CDH18: variants seen among roughly 807,000 people sequenced by gnomAD.
CDH18 encodes the protein cadherin 18.
CDH18 carries 31 observed loss-of-function variants against 67.9 expected under a neutral mutation model. The observed-to-expected ratio is 0.46, with a 90% CI of 0.34 to 0.62. The LOEUF is 0.62. Ranked by LOEUF, CDH18 falls within the 20% of genes least tolerant of loss-of-function variation. CDH18 has a pLI of 0.01. For missense variants in CDH18, 890 were observed against 975.5 expected, an observed-to-expected ratio of 0.91 and a Z score of 1.17; for synonymous variants, 362 against 347.2, an observed-to-expected ratio of 1.04 and a Z score of -0.48.
At chr5:19,903,793 T>G (rs1790225815) in intron 2 of CDH18, among the ~76,000 whole-genome samples, 1 of 151,944 alleles carries the variant, frequency 6.6e-6, no homozygotes, top group African/African-American at 2.4e-5. Flanking sequence ...CCTTCCAAAT[T>G]GCATGCTGAC....
At chr5:19,647,913 T>A (rs1755016727) in intron 5 of CDH18, among the ~76,000 whole-genome samples, 1 of 152,134 alleles carries the variant, frequency 6.6e-6, no homozygotes, top group South Asian at 2.1e-4. Context: ...TATTAGATAG[T>A]TTAGGTCTGT....
intron 4 of CDH18, among the ~76,000 whole-genome samples, chr5:19,729,401 G>A (rs1048689219): frequency 6.6e-6 from 1 of 152,160 alleles, no homozygotes; most frequent in African/African-American, 2.4e-5. Context: ...CAGAATTCAA[G>A]TCCAGCCCTA....
intron 1 of CDH18, chr5:20,304,581 CA>C (rs201197355): frequency 0.047 from 76,365 of 1,610,724 alleles, 2,768 homozygotes; most frequent in East Asian, 0.14. Flanking sequence ...AAAATCCAGT[CA>C]GGGGGACAGA....
intron 2 of CDH18, among the ~76,000 whole-genome samples, chr5:20,130,854 T>C (rs1749210846): frequency 6.6e-6 from 1 of 152,052 alleles, no homozygotes; most frequent in Non-Finnish European, 1.5e-5. Flanking sequence ...GCCTTCTCTA[T>C]ATCATTTTCT....
intron 1 of CDH18, among the ~76,000 whole-genome samples, chr5:20,423,883 CTTGCAGT>C (rs1748058066): frequency 7.6e-6 from 1 of 131,614 alleles, no homozygotes; most frequent in South Asian, 2.4e-4. Flanking sequence ...GGAGGTGGAG[CTTGCAGT>C]GAGCCGAGAT....
intron 2 of CDH18, among the ~76,000 whole-genome samples, chr5:20,199,833 G>A (rs893621537): frequency 6.6e-6 from 1 of 152,106 alleles, no homozygotes; most frequent in African/African-American, 2.4e-5. Flanking sequence ...GAATTTTCAC[G>A]AGATCTGACG....
intron 2 of CDH18, among the ~76,000 whole-genome samples, chr5:20,198,060 G>T (rs1739129793): frequency 6.6e-6 from 1 of 152,096 alleles, no homozygotes; most frequent in South Asian, 2.1e-4. Context: ...CACCCTGATT[G>T]TAAGTTTCCT....
intron 3 of CDH18, among the ~76,000 whole-genome samples, chr5:19,752,848 T>A (rs942745600): frequency 6.6e-6 from 1 of 152,122 alleles, no homozygotes; most frequent in East Asian, 1.9e-4. Context: ...ACGGTTCACA[T>A]CACAGGACTT....
intron 1 of CDH18, among the ~76,000 whole-genome samples, chr5:20,359,552 C>T (rs914866093): frequency 3.9e-5 from 6 of 152,064 alleles, no homozygotes; most frequent in South Asian, 2.1e-4. Flanking sequence ...CTTTAAACTT[C>T]GGTGCCCCTG....
chr5:20,214,951 G>C (rs1176813752), intron 2 of CDH18, among the ~76,000 whole-genome samples: 1 of 151,798 alleles, frequency 6.6e-6, no homozygotes, highest in African/African-American at 2.4e-5. Flanking sequence ...CATCTGATAA[G>C]GGTCTAATAT....
chr5:20,301,522 G>T (rs1461794601), intron 1 of CDH18, among the ~76,000 whole-genome samples: 2 of 151,956 alleles, frequency 1.3e-5, no homozygotes, highest in Non-Finnish European at 2.9e-5. Flanking sequence ...CCATACTACG[G>T]GACAAATCAG....
chr5:19,895,209 G>A (rs1030098954), intron 2 of CDH18, among the ~76,000 whole-genome samples: 2 of 152,102 alleles, frequency 1.3e-5, no homozygotes, highest in Admixed American at 6.6e-5. Context: ...TTCTCCCTGA[G>A]AAGAAACTTG....
chr5:20,230,163 T>C (rs913908553), intron 2 of CDH18, among the ~76,000 whole-genome samples: 6 of 152,184 alleles, frequency 3.9e-5, no homozygotes, highest in Non-Finnish European at 2.9e-5. Context: ...ATTGCATTGA[T>C]GTCTCTGCTA....
rs1321868616 is a variant in CDH18 at position 20,154,398 on chromosome 5, G to C, written c.-518+101046C>G. On this transcript the variant is annotated intron_variant, in intron 2 of 14. Coordinates refer to the CDH18 transcript ENST00000507958. ...ACTTTTATTAGTCACCTGTGGGATG[G>C]ATGTGAAAATTTATTCTCTTTTTCT... Among the ~76,000 whole-genome samples, 4 of 152,240 alleles carry C rather than the reference G, an allele frequency of 2.6e-5. No homozygotes were observed. The South Asian group carries it at 6.2e-4, about 24-fold the overall frequency.
chr5:20,344,415 G>A (rs1740536395), intron 1 of CDH18, among the ~76,000 whole-genome samples: 1 of 152,030 alleles, frequency 6.6e-6, no homozygotes, highest in Non-Finnish European at 1.5e-5. Context: ...CTTGGTATGG[G>A]TAGATACCTT....
At chr5:20,362,712 T>C (rs1045592032) in intron 1 of CDH18, among the ~76,000 whole-genome samples, 30 of 152,160 alleles carry the variant, frequency 2.0e-4, no homozygotes, top group African/African-American at 7.2e-4. Context: ...AAAACAGATC[T>C]AAAGAATGTT....
At chr5:19,633,851 C>T (rs187650191) in intron 5 of CDH18, among the ~76,000 whole-genome samples, 107 of 152,184 alleles carry the variant, frequency 7.0e-4, no homozygotes, top group African/African-American at 2.1e-3. Context: ...AGGCTGGCCT[C>T]GAACTCCTGA....
chr5:19,613,774 A>G (rs1391580578), intron 5 of CDH18, among the ~76,000 whole-genome samples: 2 of 152,174 alleles, frequency 1.3e-5, no homozygotes, highest in Non-Finnish European at 2.9e-5. Flanking sequence ...GCCATAACAT[A>G]GAATATTGTC....
At chr5:19,599,392 A>G (rs1349029849) in intron 6 of CDH18, among the ~76,000 whole-genome samples, 1 of 152,160 alleles carries the variant, frequency 6.6e-6, no homozygotes, top group Non-Finnish European at 1.5e-5. Context: ...TTTTTCAAGT[A>G]TTTACTAAGT....
Sources: gnomAD v4.1 joint callset for allele counts (sites outside exome capture counted in the v4.1 genomes callset) on GRCh38, gnomAD v4.1.1 for gene constraint, MANE v1.5 for transcripts, NCBI Gene and HGNC (gene_info 2026-07-23, HGNC 2026-07-21) for gene names.